Variants in TENM2 observed in about 807,000 individuals in gnomAD.
TENM2 encodes teneurin-2.
In TENM2, 52 loss-of-function variants were observed where a neutral mutation model predicts 245.2. The ratio of observed to expected loss-of-function variants is 0.21; its 90% CI spans 0.17 to 0.27. The LOEUF (loss-of-function observed/expected upper bound fraction) is 0.27, where lower values mean the gene tolerates loss of function less well. Ranked by LOEUF, TENM2 falls within the 10% of genes least tolerant of loss-of-function variation. The probability of loss-of-function intolerance (pLI) is 1.00; values close to 1 mark genes in which losing one functional copy is unlikely to be tolerated. For synonymous variants in TENM2, 1,363 were observed against 1,438.9 expected (o/e 0.95, Z 1.19); for missense variants, 3,046 against 3,666.8 (o/e 0.83, Z 4.37).
intron 2 of TENM2, among the ~76,000 whole-genome samples, chr5:167,790,150 C>T (rs935887950): frequency 6.6e-6 from 1 of 151,954 alleles, no homozygotes. Context: ...CATGCCCCGG[C>T]TTTGATTCCT....
At chr5:167,806,529 A>G (rs1441530785) in intron 2 of TENM2, among the ~76,000 whole-genome samples, 3 of 152,020 alleles carry the variant, frequency 2.0e-5, no homozygotes, top group Non-Finnish European at 4.4e-5. Context: ...ATTGCCTTTC[A>G]CTACGTGGTA....
At position 167,800,884 on chromosome 5, in the gene TENM2, A is replaced by G. The variant is rs112858341; in HGVS notation, c.503-75102A>G. Among the ~76,000 whole-genome samples the G allele has an allele frequency of 6.9e-3, 1,055 of 152,030 alleles. 13 individuals are homozygous for G. Among genetic ancestry groups the G allele is most frequent in the African/African-American group, 0.024 (1,008 of 41,462 alleles). ...CCACACTAATTTTAGAAGACAATGC[A>G]AAAGATATAGCCAGTAGTCCCAGTA... is the stretch of plus-strand genomic sequence containing the variant. On this transcript the variant is annotated intron_variant, in intron 2 of 28. Transcript: ENST00000518659.
At chr5:168,048,647 C>T (rs1430139057) in intron 6 of TENM2, among the ~76,000 whole-genome samples, 3 of 152,192 alleles carry the variant, frequency 2.0e-5, no homozygotes, top group Non-Finnish European at 4.4e-5. Flanking sequence ...AGCTTTCCTT[C>T]AAGCAGTCAT....
intron 3 of TENM2, among the ~76,000 whole-genome samples, chr5:167,904,529 C>T (rs1237747921): frequency 6.6e-6 from 1 of 152,126 alleles, no homozygotes; most frequent in Admixed American, 6.5e-5. Context: ...AGAGTCCCTA[C>T]CACACGCTGG....
At chr5:167,499,565 C>A (rs1769036919) in intron 2 of TENM2, among the ~76,000 whole-genome samples, 1 of 152,096 alleles carries the variant, frequency 6.6e-6, no homozygotes, top group Non-Finnish European at 1.5e-5. Context: ...CATTTGAGTT[C>A]ATTTTCTGTC....
At position 167,332,725 on chromosome 5, in the gene TENM2, G is replaced by A. The variant is rs141922451; in HGVS notation, c.227-42473G>A. On this transcript the variant is annotated intron_variant, in intron 1 of 28. Coordinates refer to ENST00000518659, the Ensembl canonical transcript of TENM2. ...CTAATCACACAAAAAAACCTAATTA[G>A]CGCAACAATGAAAATGGAAAGACTG... is the stretch of plus-strand genomic sequence containing the variant. 4.8e-3 allele frequency among the ~76,000 whole-genome samples: 724 copies of A among 152,216 alleles called. 3 individuals carry two copies. The highest frequency in any genetic ancestry group is 9.2e-3 in the Non-Finnish European group (624 of 68,008).
At chr5:167,560,360 C>A (rs985773067) in intron 2 of TENM2, among the ~76,000 whole-genome samples, 1 of 113,008 alleles carries the variant, frequency 8.8e-6, no homozygotes, top group East Asian at 2.4e-4. Flanking sequence ...GGGCAAGCAT[C>A]GCCTTATTTT....
chr5:167,407,244 A>G (rs932319698), intron 2 of TENM2, among the ~76,000 whole-genome samples: 6 of 152,150 alleles, frequency 3.9e-5, no homozygotes, highest in Admixed American at 1.3e-4. Context: ...TCAAATATCT[A>G]TAAGAACCAG....
At chr5:167,235,994 T>G in the TENM2 span, among the ~76,000 whole-genome samples, 1 of 152,218 alleles carries the variant, frequency 6.6e-6, no homozygotes. Context: ...AATCGGTAGA[T>G]ATTCACTCTA....
chr5:168,076,335 C>A (rs780932042), intron 7 of TENM2, among the ~76,000 whole-genome samples: 1 of 151,876 alleles, frequency 6.6e-6, no homozygotes, highest in African/African-American at 2.4e-5. Flanking sequence ...AAGCAATTCT[C>A]CTGCCTCAGC....
the TENM2 span, among the ~76,000 whole-genome samples, chr5:167,030,919 A>C: frequency 6.6e-6 from 1 of 152,202 alleles, no homozygotes; most frequent in East Asian, 1.9e-4. Flanking sequence ...AAAGGCCTTC[A>C]TCCAGGTCCA....
At chr5:167,755,335 A>C in intron 2 of TENM2, 2 of 595,586 alleles carry the variant, frequency 3.4e-6, no homozygotes, top group East Asian at 5.5e-5. Flanking sequence ...TTGATTTCGC[A>C]CCGCAGTTGT....
At chr5:167,727,355 TC>T in intron 2 of TENM2, among the ~76,000 whole-genome samples, 1 of 152,196 alleles carries the variant, frequency 6.6e-6, no homozygotes, top group East Asian at 1.9e-4. Context: ...CTCGTGATCC[TC>T]CCGCCTCAGC....
exon 29 of TENM2, chr5:168,262,818 A>C (rs768699164): frequency 1.1e-5 from 17 of 1,583,508 alleles, no homozygotes; most frequent in Non-Finnish European, 1.4e-5. Context: ...TAACAAAATA[A>C]TCTGCTGCCA....
At chr5:167,143,963 C>T in the TENM2 span, among the ~76,000 whole-genome samples, 1 of 152,048 alleles carries the variant, frequency 6.6e-6, no homozygotes, top group African/African-American at 2.4e-5. Context: ...GATGAGACGT[C>T]ATTACATATG....
chr5:168,029,372 C>CT (rs1786907296), intron 5 of TENM2, among the ~76,000 whole-genome samples: 2 of 152,156 alleles, frequency 1.3e-5, no homozygotes, highest in East Asian at 3.8e-4. Context: ...CTCTCTCCTG[C>CT]TTAAGGTAGA....
At chr5:167,431,970 T>TGTGTATATATATATATAC (rs1554150945) in intron 2 of TENM2, among the ~76,000 whole-genome samples, 12 of 135,530 alleles carry the variant, frequency 8.9e-5, no homozygotes, top group African/African-American at 3.4e-4. Flanking sequence ...TGTATATATA[T>TGTGTATATATATATATAC]ATATATATGG....
intron 3 of TENM2, among the ~76,000 whole-genome samples, chr5:167,885,084 A>G (rs1774179960): frequency 6.6e-6 from 1 of 152,118 alleles, no homozygotes; most frequent in Non-Finnish European, 1.5e-5. Context: ...CTAATTTTTA[A>G]TCAGATCATT....
the TENM2 span, among the ~76,000 whole-genome samples, chr5:167,226,855 G>A: frequency 0.038 from 5,785 of 151,624 alleles, 146 homozygotes; most frequent in Non-Finnish European, 0.056. Context: ...TATGAATCTG[G>A]GTGCTCCAAT....
Sources: allele counts gnomAD v4.1 joint callset (sites outside exome capture counted in the v4.1 genomes callset), GRCh38; gene constraint gnomAD v4.1.1; transcripts MANE v1.5; gene names NCBI Gene and HGNC (gene_info 2026-07-23, HGNC 2026-07-21).